CNTN5: variants seen among roughly 807,000 people sequenced by gnomAD.
The protein encoded by CNTN5 is contactin 5, also known as contactin-5.
CNTN5 carries 77 observed loss-of-function variants against 129.1 expected under a neutral mutation model. The observed-to-expected ratio is 0.60, with a 90% CI of 0.50 to 0.72. The LOEUF is 0.72. Among genes scored for constraint, CNTN5 ranks in the 30% least tolerant of loss-of-function variants. CNTN5 has a pLI of 0.00. For missense variants in CNTN5, 1,478 were observed against 1,328.8 expected (o/e 1.11, Z -1.75); for synonymous variants, 509 against 465.6 (o/e 1.09, Z -1.20).
chr11:99,261,576 C>G (rs1862630932), intron 1 of CNTN5, among the ~76,000 whole-genome samples: 1 of 152,032 alleles, frequency 6.6e-6, no homozygotes, highest in Non-Finnish European at 1.5e-5. Flanking sequence ...TGCCAAAATG[C>G]TGAATCCATT....
At position 100,285,802 on chromosome 11, in the gene CNTN5, C is replaced by T. The variant is rs576174584; in HGVS notation, c.2315-11823C>T. On this transcript the variant is annotated intron_variant, in intron 18 of 24. Transcript: ENST00000524871. ...TCCGGTCTACAGCTCCCAGCGTGAGCGACGCAGAAGACGGGTGATTTCTGC... is the reference window on the plus strand; with the variant it reads ...TCCGGTCTACAGCTCCCAGCGTGAGTGACGCAGAAGACGGGTGATTTCTGC... Among the ~76,000 whole-genome samples the T allele has an allele frequency of 1.8e-3, 280 of 152,286 alleles. 1 individual carries two copies. Among genetic ancestry groups the T allele is most frequent in the African/African-American group, 6.2e-3 (259 of 41,576 alleles).
intron 3 of CNTN5, among the ~76,000 whole-genome samples, chr11:99,613,165 T>C (rs1565348454): frequency 6.6e-6 from 1 of 151,422 alleles, no homozygotes; most frequent in Non-Finnish European, 1.5e-5. Context: ...CCCCACCTGA[T>C]TCTCATCTTG....
At chr11:99,409,909 T>C (rs937958576) in intron 2 of CNTN5, among the ~76,000 whole-genome samples, 33 of 152,218 alleles carry the variant, frequency 2.2e-4, no homozygotes, top group African/African-American at 7.7e-4. Flanking sequence ...AGACACAAAG[T>C]CAACTATCAT....
At position 99,132,549 on chromosome 11, in the gene CNTN5, A is replaced by C. The variant is rs866458967; in HGVS notation, c.-210+111279A>C. 1.6e-4 allele frequency among the ~76,000 whole-genome samples: 24 copies of C among 152,322 alleles called. No homozygotes were observed. The Middle Eastern group carries it at 0.014, about 86-fold the overall frequency. On this transcript the variant is annotated intron_variant, in intron 1 of 24. Transcript: ENST00000524871. Reference sequence around the variant, plus strand: ...GCTTCTTTAGCTGATAAGCAACTTCAGTAAAGTCTCAGGATACACAATCAA... The same window carrying C: ...GCTTCTTTAGCTGATAAGCAACTTCCGTAAAGTCTCAGGATACACAATCAA...
intron 2 of CNTN5, among the ~76,000 whole-genome samples, chr11:99,490,221 C>T (rs1287093781): frequency 2.0e-5 from 3 of 152,106 alleles, no homozygotes; most frequent in East Asian, 3.9e-4. Flanking sequence ...CTAAATTTGA[C>T]AATTATTCAG....
chr11:100,149,511 T>C (rs902748461), intron 13 of CNTN5, among the ~76,000 whole-genome samples: 11 of 152,178 alleles, frequency 7.2e-5, no homozygotes, highest in African/African-American at 2.4e-4. Context: ...TGTTTGCTTT[T>C]AAAATTATAT....
At chr11:99,313,900 G>A (rs1231946343) in intron 1 of CNTN5, among the ~76,000 whole-genome samples, 1 of 151,914 alleles carries the variant, frequency 6.6e-6, no homozygotes, top group African/African-American at 2.4e-5. Context: ...ACCCAATAAG[G>A]AATTTACTGA....
chr11:99,488,275 C>T (rs535281100), intron 2 of CNTN5, among the ~76,000 whole-genome samples: 55 of 150,788 alleles, frequency 3.6e-4, no homozygotes, highest in Non-Finnish European at 6.6e-4. Flanking sequence ...TGGGTTCAAG[C>T]GATTTTCCTG....
chr11:100,292,224 C>G (rs1471595229), intron 18 of CNTN5, among the ~76,000 whole-genome samples: 1 of 151,978 alleles, frequency 6.6e-6, no homozygotes, highest in African/African-American at 2.4e-5. Flanking sequence ...TTAGATGGTA[C>G]AATTTGTGGT....
chr11:99,334,451 G>A (rs1217289024), intron 2 of CNTN5, among the ~76,000 whole-genome samples: 1 of 152,078 alleles, frequency 6.6e-6, no homozygotes, highest in Admixed American at 6.6e-5. Context: ...CAATACACAG[G>A]TGTATTGAAA....
intron 1 of CNTN5, among the ~76,000 whole-genome samples, chr11:99,112,887 T>G (rs1857864650): frequency 6.6e-6 from 1 of 151,974 alleles, no homozygotes. Context: ...TATCCCCCTT[T>G]TTTTAAAAAA....
chr11:100,325,213 C>A (rs1951767154), intron 21 of CNTN5, among the ~76,000 whole-genome samples: 1 of 152,100 alleles, frequency 6.6e-6, no homozygotes, highest in Non-Finnish European at 1.5e-5. Context: ...AAAAAGCAAT[C>A]TAACCACTAA....
intron 13 of CNTN5, among the ~76,000 whole-genome samples, chr11:100,163,240 A>G (rs900140502): frequency 6.6e-6 from 1 of 151,516 alleles, no homozygotes; most frequent in Admixed American, 6.6e-5. Flanking sequence ...AAAAATAAGG[A>G]GTCAGGTTAC....
chr11:99,225,690 T>C, intron 1 of CNTN5, among the ~76,000 whole-genome samples: 1 of 152,214 alleles, frequency 6.6e-6, no homozygotes, highest in East Asian at 1.9e-4. Flanking sequence ...CTATAGTTAC[T>C]TTTGTCATTA....
intron 18 of CNTN5, among the ~76,000 whole-genome samples, chr11:100,285,783 C>G (rs1187701486): frequency 6.6e-6 from 1 of 152,214 alleles, no homozygotes; most frequent in Non-Finnish European, 1.5e-5. Context: ...CAGCTCCGGT[C>G]TACAGCTCCC....
rs1026567765 is a variant in CNTN5 at position 99,151,053 on chromosome 11, A to G, written c.-210+129783A>G. 2.6e-5 allele frequency among the ~76,000 whole-genome samples: 4 copies of G among 152,328 alleles called. No homozygotes were observed. The East Asian group carries it at 7.7e-4, about 29-fold the overall frequency. On this transcript the variant is annotated intron_variant, in intron 1 of 24. Coordinates refer to ENST00000524871, the MANE Select transcript of CNTN5 (RefSeq NM_014361.4). ...TATTTTTCCCTCAGAAAACGGGATCAGGGTTCAATGACAAAAATATTTATA... is the reference window on the plus strand; with the variant it reads ...TATTTTTCCCTCAGAAAACGGGATCGGGGTTCAATGACAAAAATATTTATA...
At chr11:100,343,116 A>G (rs1213724263) in intron 23 of CNTN5, among the ~76,000 whole-genome samples, 2 of 152,316 alleles carry the variant, frequency 1.3e-5, no homozygotes, top group East Asian at 3.9e-4. Flanking sequence ...TTAACAAAGA[A>G]ACTGATCGTT....
intron 13 of CNTN5, among the ~76,000 whole-genome samples, chr11:100,174,227 A>C (rs1290719999): frequency 6.6e-6 from 1 of 152,150 alleles, no homozygotes; most frequent in African/African-American, 2.4e-5. Context: ...AGAGATACGT[A>C]AAACGTGGAA....
At chr11:99,361,596 T>G (rs1939114355) in intron 2 of CNTN5, among the ~76,000 whole-genome samples, 1 of 152,128 alleles carries the variant, frequency 6.6e-6, no homozygotes. Context: ...TTCAGACTTT[T>G]TCATCATTCC....
Sources: allele counts gnomAD v4.1 joint callset (sites outside exome capture counted in the v4.1 genomes callset), GRCh38; gene constraint gnomAD v4.1.1; transcripts MANE v1.5; gene names NCBI Gene and HGNC (gene_info 2026-07-23, HGNC 2026-07-21).